Variants in IL1RN observed in about 807,000 individuals in gnomAD.
IL1RN encodes the protein interleukin-1 receptor antagonist protein.
A neutral mutation model predicts 13.7 loss-of-function variants in IL1RN; 10 were observed. The ratio of observed to expected loss-of-function variants is 0.73; its 90% CI spans 0.45 to 1.24. The LOEUF (loss-of-function observed/expected upper bound fraction) is 1.24, where lower values mean the gene tolerates loss of function less well. Among genes scored for constraint, IL1RN ranks in the 50% most tolerant of loss-of-function variants. The pLI, the probability that IL1RN is intolerant of heterozygous loss-of-function variation, is 0.00. For synonymous variants in IL1RN, 102 were observed against 82.7 expected (o/e 1.23, Z -1.27); for missense variants, 213 against 222.1 (o/e 0.96, Z 0.26).
upstream of IL1RN, chr2:113,107,388 G>A (rs1686403071): frequency 6.6e-6 from 1 of 152,138 alleles, no homozygotes; most frequent in African/African-American, 2.4e-5. Context: ...TGAAAATGGT[G>A]AGAGAAAAAC....
intron 1 of IL1RN, among the ~76,000 whole-genome samples, chr2:113,111,586 G>T (rs61366770): frequency 0.041 from 6,281 of 152,290 alleles, 366 homozygotes; most frequent in East Asian, 0.27. Flanking sequence ...GGTGAAGCCC[G>T]CATCCAATGA....
At chr2:113,106,057 A>G (rs1686382156), upstream of IL1RN, among the ~76,000 whole-genome samples, 1 of 152,200 alleles carries the variant, frequency 6.6e-6, no homozygotes, top group Non-Finnish European at 1.5e-5. Flanking sequence ...TTAATGGCTT[A>G]TTTTAACTAT....
chr2:113,116,452 A>G (rs1168272698), upstream of IL1RN, among the ~76,000 whole-genome samples: 1 of 146,424 alleles, frequency 6.8e-6, no homozygotes, highest in Non-Finnish European at 1.5e-5. Context: ...CAGGAAGTGA[A>G]GGCCCCATGG....
In IL1RN at chr2:113,132,636, G is replaced by C. The variant is rs776631336; in HGVS notation, c.319-20G>C. On this transcript the variant is annotated intron_variant, in intron 3 of 3. Transcript: ENST00000409930. The stretch of plus-strand genomic sequence containing the variant: ...ACTTCCTAGGCCTCAGCTCTCACCT[G>C]CCCATCTTTTGATTTCCAGGCAGTT... The C allele has an allele frequency of 1.2e-6, 2 of 1,611,070 alleles. No homozygotes were observed. Among genetic ancestry groups the C allele is most frequent in the Non-Finnish European group, 1.7e-6 (2 of 1,177,190 alleles).
At chr2:113,126,677 C>T (rs1024767948), upstream of IL1RN, among the ~76,000 whole-genome samples, 1 of 151,758 alleles carries the variant, frequency 6.6e-6, no homozygotes, top group African/African-American at 2.4e-5. Context: ...CTGCTTCCTC[C>T]CTCCCTCCCT....
chr2:113,124,893 C>G (rs1165456679), upstream of IL1RN, among the ~76,000 whole-genome samples: 1 of 152,144 alleles, frequency 6.6e-6, no homozygotes, highest in East Asian at 1.9e-4. Flanking sequence ...GGAAATGACA[C>G]AGAGCAGGGA....
At chr2:113,105,924 C>T (rs1268503585), upstream of IL1RN, among the ~76,000 whole-genome samples, 1 of 152,094 alleles carries the variant, frequency 6.6e-6, no homozygotes, top group African/African-American at 2.4e-5. Flanking sequence ...ACTTTTGATA[C>T]ATGTCACTCA....
chr2:113,115,291 G>A (rs1030150368), upstream of IL1RN, among the ~76,000 whole-genome samples: 2 of 151,982 alleles, frequency 1.3e-5, no homozygotes, highest in Admixed American at 6.6e-5. Context: ...GGCATCCAGG[G>A]CCCCCCTGCT....
chr2:113,132,175 G>A (rs1687193220), intron 3 of IL1RN, among the ~76,000 whole-genome samples: 1 of 152,226 alleles, frequency 6.6e-6, no homozygotes, highest in Non-Finnish European at 1.5e-5. Flanking sequence ...CAGGCCAGGC[G>A]CAGTGGCTCA....
In IL1RN at chr2:113,120,075, A is replaced by G. The variant is rs137932510; in HGVS notation, c.20A>G (p.Tyr7Cys). The change falls in exon 2 of 6, where the codon TAT (tyrosine) becomes TGT (cysteine). Residue 7 changes from tyrosine to cysteine, a missense_variant. By Grantham distance (194) the Tyr-to-Cys change is radical. Transcript: ENST00000259206. ...ACCACTTCCCTTACAGCTGACTTGT[A>G]TGAAGAAGGAGGTGGAGGAGGAGGA... The G allele has an allele frequency of 6.2e-6, 10 of 1,613,134 alleles. No individual in the cohort carries two copies. Among genetic ancestry groups the G allele is most frequent in the African/African-American group, 4.0e-5 (3 of 74,788 alleles).
chr2:113,132,950 C>T lies in IL1RN; in HGVS notation c.*79C>T, dbSNP rs545742397. The T allele has an allele frequency of 4.0e-5, 55 of 1,387,698 alleles. 1 individual carries two copies. The highest frequency in any genetic ancestry group is 3.4e-4 in the East Asian group (15 of 43,670). 86.0% of individuals were successfully genotyped at this position (1,387,698 alleles called of 1,614,324 possible). ...GCCAGTCCCCCTGCCCCAGGGCTCC[C>T]GGCTATGGGGGCACTGAGGACCAGC... On this transcript the variant is annotated 3_prime_UTR_variant, in exon 4 of 4. Transcript: ENST00000409930.
intron 1 of IL1RN, among the ~76,000 whole-genome samples, chr2:113,119,307 T>A (rs780534654): frequency 2.2e-4 from 33 of 152,234 alleles, no homozygotes; most frequent in Non-Finnish European, 3.4e-4. Context: ...GAGGAAGGGC[T>A]ATTATTGCTC....
chr2:113,109,775 A>AG (rs1558859354), upstream of IL1RN, among the ~76,000 whole-genome samples: 1 of 152,058 alleles, frequency 6.6e-6, no homozygotes, highest in African/African-American at 2.4e-5. Context: ...AAAAAAAAAA[A>AG]AACCTCAGCA....
At chr2:113,101,986 C>T in the IL1RN span, among the ~76,000 whole-genome samples, 4 of 152,092 alleles carry the variant, frequency 2.6e-5, no homozygotes, top group South Asian at 2.1e-4. Flanking sequence ...AGGCTGGTCT[C>T]GAACTCCCGA....
chr2:113,124,995 T>A (rs73955161), upstream of IL1RN, among the ~76,000 whole-genome samples: 1 of 152,188 alleles, frequency 6.6e-6, no homozygotes, highest in African/African-American at 2.4e-5. Context: ...AGCCGCAGTG[T>A]GGGTGGGGCT....
chr2:113,132,875 T>A lies in IL1RN; in HGVS notation c.*4T>A. 6.2e-7 allele frequency: 1 copy of A among 1,612,800 alleles called. No homozygotes were observed. Among genetic ancestry groups the A allele is most frequent in the South Asian group, 1.1e-5 (1 of 91,038 alleles). On this transcript the variant is annotated 3_prime_UTR_variant, in exon 4 of 4. Transcript: ENST00000409930. ...CTACTTCCAGGAGGACGAGTAGTAC[T>A]GCCCAGGCCTGCCTGTTCCCATTCT...
chr2:113,105,140 G>T (rs890993854), upstream of IL1RN, among the ~76,000 whole-genome samples: 16 of 152,160 alleles, frequency 1.1e-4, no homozygotes. Context: ...GGCTAGAAGC[G>T]CATTGTGGGT....
upstream of IL1RN, among the ~76,000 whole-genome samples, chr2:113,126,208 A>G (rs1686954890): frequency 6.6e-6 from 1 of 152,174 alleles, no homozygotes; most frequent in African/African-American, 2.4e-5. Flanking sequence ...GAAGGGGGTG[A>G]TGTATATTAA....
the IL1RN span, among the ~76,000 whole-genome samples, chr2:113,099,774 G>T: frequency 1.0e-5 from 1 of 99,300 alleles, no homozygotes; most frequent in Non-Finnish European, 1.9e-5. Flanking sequence ...TCGCTCTGTC[G>T]CCCAGGCTGG....
Sources: allele counts gnomAD v4.1 joint callset (sites outside exome capture counted in the v4.1 genomes callset), GRCh38; gene constraint gnomAD v4.1.1; transcripts MANE v1.5; gene names NCBI Gene and HGNC (gene_info 2026-07-23, HGNC 2026-07-21).